The following SYNE2 variants were observed in gnomAD, a reference collection of about 807,000 sequenced individuals.
SYNE2 encodes the protein nesprin-2.
Under a neutral mutation model 856.3 loss-of-function variants are expected in SYNE2, and 431 were observed. The ratio of observed to expected loss-of-function variants is 0.50; its 90% CI spans 0.47 to 0.55. The LOEUF is 0.55. Among genes scored for constraint, SYNE2 ranks in the 20% least tolerant of loss-of-function variants. The pLI, the probability that SYNE2 is intolerant of heterozygous loss-of-function variation, is 0.00. For missense variants in SYNE2, 8,129 were observed against 8,023.2 expected (o/e 1.01, Z -0.50); for synonymous variants, 2,923 against 2,872.3 (o/e 1.02, Z -0.56).
rs149447818 is a variant in SYNE2, at chr14:64,049,643, A to G, written c.7410A>G (p.Ala2470=). ...KLYTQLEAKK[A]AIKPLEQTEC... is the part of the protein sequence containing the mutation. ...ATACCCAGTTGGAAGCAAAGAAAGC[A>G]GCCATTAAGCCACTGGAACAAACAG... The change falls in exon 47 of 116, where the codon GCA becomes GCG. Residue 2470 remains alanine (A), a synonymous_variant. Coordinates refer to ENST00000555002, the MANE Select transcript of SYNE2 (RefSeq NM_182914.3). 3.8e-5 allele frequency: 61 copies of G among 1,614,156 alleles called. No individual in the cohort carries two copies. The African/African-American group carries it at 5.2e-4, about 14-fold the overall frequency.
At chr14:63,871,439 C>G (rs1244351524) in intron 1 of SYNE2, among the ~76,000 whole-genome samples, 1 of 151,930 alleles carries the variant, frequency 6.6e-6, no homozygotes. Flanking sequence ...AACTCCCAAC[C>G]TCAGATGATC....
At chr14:64,106,951 G>A (rs1289993111) in intron 64 of SYNE2, among the ~76,000 whole-genome samples, 1 of 152,120 alleles carries the variant, frequency 6.6e-6, no homozygotes, top group Non-Finnish European at 1.5e-5. Flanking sequence ...TGCCTTGGTA[G>A]TTGTTCCTAA....
chr14:63,985,339 A>G (rs1413091876), intron 18 of SYNE2, among the ~76,000 whole-genome samples: 1 of 151,770 alleles, frequency 6.6e-6, no homozygotes, highest in Non-Finnish European at 1.5e-5. Context: ...CAAAAAAAAA[A>G]AAAAAAAAAG....
At chr14:63,951,017 T>C (rs1178861880) in intron 7 of SYNE2, among the ~76,000 whole-genome samples, 1 of 152,124 alleles carries the variant, frequency 6.6e-6, no homozygotes, top group Admixed American at 6.6e-5. Flanking sequence ...TATCTTTTTT[T>C]TTTTTTAAAC....
chr14:63,986,323 C>G, intron 18 of SYNE2, 133 bp from the exon 19 acceptor site: 3 of 947,078 alleles, frequency 3.2e-6, no homozygotes, highest in Non-Finnish European at 4.9e-6. Flanking sequence ...TGGTCACAAA[C>G]TCCTAGCCTC....
At chr14:64,202,679 T>C in intron 99 of SYNE2, 122 bp from the exon 100 acceptor site, 4 of 1,296,080 alleles carry the variant, frequency 3.1e-6, no homozygotes, top group Non-Finnish European at 3.2e-6. Context: ...CAAAGCAAAA[T>C]AGATTCTTTT....
intron 1 of SYNE2, among the ~76,000 whole-genome samples, chr14:63,812,645 T>C (rs567506852): frequency 6.6e-6 from 1 of 152,288 alleles, no homozygotes; most frequent in Admixed American, 6.5e-5. Flanking sequence ...GAGTAAGAAA[T>C]TATAAAAGTT....
At chr14:63,985,985 G>C (rs2096622569) in intron 18 of SYNE2, among the ~76,000 whole-genome samples, 1 of 152,178 alleles carries the variant, frequency 6.6e-6, no homozygotes. Context: ...TCCAGCCTGG[G>C]CAATAAAGCG....
Position 64,087,874 on chromosome 14 carries a change from A to G in SYNE2, c.11670+18A>G. On this transcript the variant is annotated intron_variant, in intron 58 of 115. Coordinates refer to ENST00000555002, the MANE Select transcript of SYNE2 (RefSeq NM_182914.3). ...TGGCTGATGTAAGTTTGCACCATTC[A>G]TTTAATCATTCAGGATTAAATTAGA... The G allele has an allele frequency of 6.2e-7, 1 of 1,612,956 alleles. No homozygotes were observed. Among genetic ancestry groups the G allele is most frequent in the Non-Finnish European group, 8.5e-7 (1 of 1,179,152 alleles).
At chr14:64,004,048 CAG>C (rs2096775808) in intron 30 of SYNE2, among the ~76,000 whole-genome samples, 1 of 151,990 alleles carries the variant, frequency 6.6e-6, no homozygotes, top group African/African-American at 2.4e-5. Context: ...TTCCTTTCGA[CAG>C]AGTCTTGCTC....
chr14:63,869,869 T>C (rs1896443710), intron 1 of SYNE2, among the ~76,000 whole-genome samples: 1 of 152,112 alleles, frequency 6.6e-6, no homozygotes, highest in East Asian at 1.9e-4. Context: ...GTATTTTCTC[T>C]CTCTCAAGTA....
chr14:64,077,023 T>C (rs953896205), intron 54 of SYNE2, among the ~76,000 whole-genome samples: 1 of 152,168 alleles, frequency 6.6e-6, no homozygotes, highest in Admixed American at 6.5e-5. Context: ...TGAGAGAAAC[T>C]AAATGTTATG....
chr14:64,152,645 G>C lies in SYNE2; in HGVS notation c.15721G>C (p.Val5241Leu), dbSNP rs1183749654. 6.2e-7 allele frequency: 1 copy of C among 1,614,024 alleles called. No homozygotes were observed. Among genetic ancestry groups the C allele is most frequent in the East Asian group, 2.2e-5 (1 of 44,878 alleles). The change falls in exon 85 of 116, where the codon GTG becomes CTG. Residue 5241 changes from valine (V) to leucine (L), a missense_variant. Val to Leu is a conservative substitution (Grantham distance 32, BLOSUM62 1). Transcript: ENST00000555002. ...TTATCTGACTTTGGAGAGTGGGGCA[G>C]TGCCATTGTTAGAAGATACAGCATC... ...QSYLTLESGA[V>L]PLLEDTASRI...
At chr14:63,971,504 T>C (rs2096476570) in intron 11 of SYNE2, among the ~76,000 whole-genome samples, 1 of 152,108 alleles carries the variant, frequency 6.6e-6, no homozygotes, top group Admixed American at 6.6e-5. Flanking sequence ...CCATTATTTA[T>C]GCTATAGTGG....
intron 1 of SYNE2, among the ~76,000 whole-genome samples, chr14:63,865,784 G>A (rs1895138081): frequency 6.9e-6 from 1 of 144,158 alleles, no homozygotes; most frequent in Non-Finnish European, 1.5e-5. Context: ...ACACCAGGCT[G>A]GGCAACCAAG....
chr14:63,910,630 G>T (rs529988378), intron 2 of SYNE2, among the ~76,000 whole-genome samples: 2 of 152,220 alleles, frequency 1.3e-5, no homozygotes, highest in African/African-American at 4.8e-5. Context: ...AGGTAAATCA[G>T]ATTTGTAATG....
Position 63,976,744 on chromosome 14 carries a change from A to C in SYNE2, c.1293+17A>C. ...TTATTCAAGGTTGGAAAAGAAAAAA[A>C]AGAGATGTAGGAAAATACATATTTT... On this transcript the variant is annotated intron_variant, in intron 12 of 115. Transcript: ENST00000555002. 1 of 1,612,152 alleles carries C rather than the reference A, an allele frequency of 6.2e-7. No homozygotes were observed. Among genetic ancestry groups the C allele is most frequent in the African/African-American group, 1.3e-5 (1 of 74,952 alleles).
At chr14:63,980,604 C>A in intron 14 of SYNE2, 50 bp from the exon 15 acceptor site, 1 of 1,300,060 alleles carries the variant, frequency 7.7e-7, no homozygotes, top group Non-Finnish European at 1.1e-6. Context: ...GATTTCTTGG[C>A]ACAATTTTAA....
chr14:64,018,372 CTG>C, intron 34 of SYNE2, among the ~76,000 whole-genome samples: 1 of 152,268 alleles, frequency 6.6e-6, no homozygotes, highest in East Asian at 1.9e-4. Context: ...CCTGAGTACA[CTG>C]GGATTACAGG....
Sources: allele counts gnomAD v4.1 joint callset (sites outside exome capture counted in the v4.1 genomes callset), GRCh38; gene constraint gnomAD v4.1.1; transcripts MANE v1.5; gene names NCBI Gene and HGNC (gene_info 2026-07-23, HGNC 2026-07-21).